HYDIN: variants seen among roughly 807,000 people sequenced by gnomAD.
The protein encoded by HYDIN is axonemal central pair apparatus protein HYDIN.
HYDIN carries 132 observed loss-of-function variants against 403.9 expected under a neutral mutation model. The ratio of observed to expected loss-of-function variants is 0.33; its 90% CI spans 0.28 to 0.38. The LOEUF (loss-of-function observed/expected upper bound fraction) is 0.38. Among genes scored for constraint, HYDIN ranks in the 10% least tolerant of loss-of-function variants. The probability of loss-of-function intolerance (pLI) is 1.00; values close to 1 mark genes in which losing one functional copy is unlikely to be tolerated. For missense variants in HYDIN, 2,827 were observed against 5,009.5 expected (o/e 0.56, Z 13.15); for synonymous variants, 1,202 against 1,891.7 (o/e 0.64, Z 9.46).
At chr16:70,970,484 C>T (rs749502033) in intron 36 of HYDIN, 36 bp downstream of exon 36, 11 of 1,604,876 alleles carry the variant, frequency 6.9e-6, no homozygotes, top group African/African-American at 2.7e-5. Flanking sequence ...AAGATGGGAA[C>T]GTGTAGAAAA....
chr16:71,043,164 G>A (rs1269645045), intron 18 of HYDIN, among the ~76,000 whole-genome samples: 1 of 151,236 alleles, frequency 6.6e-6, no homozygotes, highest in Non-Finnish European at 1.5e-5. Flanking sequence ...TGCCACTCTG[G>A]TTCATAATTT....
At chr16:71,004,314 CAAA>C (rs11383182) in intron 23 of HYDIN, among the ~76,000 whole-genome samples, 4 of 88,190 alleles carry the variant, frequency 4.5e-5, no homozygotes, top group Non-Finnish European at 2.4e-5. Context: ...AACTCCATTT[CAAA>C]AAAAAAAAAA....
At chr16:71,125,820 C>T (rs2084431256) in intron 9 of HYDIN, among the ~76,000 whole-genome samples, 1 of 152,140 alleles carries the variant, frequency 6.6e-6, no homozygotes, top group Non-Finnish European at 1.5e-5. Context: ...TTCTGACCAC[C>T]CCTGGGCTGT....
At chr16:71,117,999 A>G (rs1974524) in intron 9 of HYDIN, among the ~76,000 whole-genome samples, 27,094 of 150,962 alleles carry the variant, frequency 0.18, 5,701 homozygotes, top group African/African-American at 0.53. Flanking sequence ...TAGAGTAAGA[A>G]TGTTTCCTTA....
intron 1 of HYDIN, among the ~76,000 whole-genome samples, chr16:71,190,022 A>G (rs1269900474): frequency 6.6e-6 from 1 of 152,196 alleles, no homozygotes; most frequent in African/African-American, 2.4e-5. Flanking sequence ...TAACATTTAA[A>G]TTGAAAATAA....
At chr16:71,226,299 T>C (rs962862158) in intron 1 of HYDIN, among the ~76,000 whole-genome samples, 1 of 152,208 alleles carries the variant, frequency 6.6e-6, no homozygotes, top group African/African-American at 2.4e-5. Context: ...ACATACATGG[T>C]CAACTGATTT....
intron 36 of HYDIN, among the ~76,000 whole-genome samples, chr16:70,967,277 GAT>G (rs2078606928): frequency 6.6e-6 from 1 of 151,986 alleles, no homozygotes; most frequent in Non-Finnish European, 1.5e-5. Flanking sequence ...TAGGAATATT[GAT>G]ATTACTATTT....
intron 14 of HYDIN, 82 bp from the exon 15 acceptor site, chr16:71,067,472 G>A (rs1017159892): frequency 1.6e-5 from 12 of 749,780 alleles, no homozygotes; most frequent in African/African-American, 9.1e-5. Flanking sequence ...GGAGGACTAC[G>A]CTGATCAGAG....
chr16:70,948,650 C>T (rs2077960128), intron 41 of HYDIN, among the ~76,000 whole-genome samples: 1 of 151,376 alleles, frequency 6.6e-6, no homozygotes, highest in Non-Finnish European at 1.5e-5. Flanking sequence ...GGGCAAAGGA[C>T]ATGAACAGAC....
intron 10 of HYDIN, among the ~76,000 whole-genome samples, chr16:71,097,744 T>C (rs559086611): frequency 6.5e-4 from 97 of 149,478 alleles, no homozygotes; most frequent in Admixed American, 2.8e-3. Context: ...TACCATATAA[T>C]TTCAAGTTCT....
chr16:70,883,843 T>C, intron 59 of HYDIN, 77 bp downstream of exon 59: 1 of 1,532,658 alleles, frequency 6.5e-7, no homozygotes, highest in Non-Finnish European at 8.9e-7. Context: ...AGTGCTGGGA[T>C]CACAAGCGTG....
chr16:71,062,026 A>G, intron 17 of HYDIN, 143 bp downstream of exon 17: 1 of 649,258 alleles, frequency 1.5e-6, no homozygotes, highest in Admixed American at 2.9e-5. Flanking sequence ...GTATTTTACC[A>G]TTGCAGAGTA....
chr16:71,057,655 G>C (rs2081944463), intron 18 of HYDIN, among the ~76,000 whole-genome samples: 1 of 151,568 alleles, frequency 6.6e-6, no homozygotes, highest in Admixed American at 6.6e-5. Context: ...TATTGAATTA[G>C]AAATTCCTAC....
At chr16:70,936,808 A>T (rs2143864039) in intron 44 of HYDIN, among the ~76,000 whole-genome samples, 1 of 150,384 alleles carries the variant, frequency 6.6e-6, no homozygotes. Context: ...CTAGTATTAC[A>T]GGCATGAGCC....
rs761565907 is a variant in HYDIN at position 70,832,903 on chromosome 16, C to T, written c.13844G>A (p.Ser4615Asn). The T allele has an allele frequency of 6.2e-7, 1 of 1,614,000 alleles. No individual in the cohort carries two copies. Among genetic ancestry groups the T allele is most frequent in the Non-Finnish European group, 8.5e-7 (1 of 1,179,868 alleles). The change falls in exon 80 of 86, where the codon AGT becomes AAT. Residue 4615 changes from serine (S) to asparagine (N), a missense_variant. Coordinates refer to ENST00000393567, the MANE Select transcript of HYDIN (RefSeq NM_001270974.2). ...KNILCYIQGG[S>N]PLSLTLSGVC... is the part of the protein sequence containing the mutation. ...TCCAGACAGGGTTAGACTCAGAGGACTGCCTCCCTGGATGTAGCAGAGAAT... is the reference window on the plus strand; with the variant it reads ...TCCAGACAGGGTTAGACTCAGAGGATTGCCTCCCTGGATGTAGCAGAGAAT...
At chr16:71,004,402 T>C (rs1277997518) in intron 23 of HYDIN, among the ~76,000 whole-genome samples, 1 of 152,022 alleles carries the variant, frequency 6.6e-6, no homozygotes, top group African/African-American at 2.4e-5. Flanking sequence ...TAAAAAGTTA[T>C]CCTTGATCAG....
intron 18 of HYDIN, among the ~76,000 whole-genome samples, chr16:71,053,612 C>A (rs2081744223): frequency 2.1e-5 from 3 of 143,586 alleles, no homozygotes; most frequent in Non-Finnish European, 4.6e-5. Context: ...CAACAACATG[C>A]CACAATATAG....
At chr16:70,826,336 C>T (rs1204035679) in intron 83 of HYDIN, among the ~76,000 whole-genome samples, 1 of 150,548 alleles carries the variant, frequency 6.6e-6, no homozygotes, top group East Asian at 1.9e-4. Flanking sequence ...ATTATAAAGT[C>T]CATCCCTCCT....
chr16:70,900,954 G>T, intron 53 of HYDIN, 50 bp downstream of exon 53: 2 of 568,772 alleles, frequency 3.5e-6, no homozygotes, highest in Non-Finnish European at 6.2e-6. Flanking sequence ...GTGTGTGTGT[G>T]TGTGTGTACA....
Sources: gnomAD v4.1 joint callset for allele counts (sites outside exome capture counted in the v4.1 genomes callset) on GRCh38, gnomAD v4.1.1 for gene constraint, MANE v1.5 for transcripts, NCBI Gene and HGNC (gene_info 2026-07-23, HGNC 2026-07-21) for gene names.